NBAS: variants seen among roughly 807,000 people sequenced by gnomAD.
NBAS encodes NBAS subunit of NRZ tethering complex.
Under a neutral mutation model 302.5 loss-of-function variants are expected in NBAS, and 219 were observed. The ratio of observed to expected loss-of-function variants is 0.72; its 90% CI spans 0.65 to 0.81. The LOEUF is 0.81. NBAS is among the 30% of genes least tolerant of loss of function. NBAS has a pLI of 0.00. For missense variants in NBAS, 2,932 were observed against 2,841.6 expected (o/e 1.03, Z -0.72); for synonymous variants, 1,118 against 1,021.6 (o/e 1.09, Z -1.80).
intron 11 of NBAS, among the ~76,000 whole-genome samples, chr2:15,497,273 C>T (rs1681106093): frequency 6.6e-6 from 1 of 152,156 alleles, no homozygotes; most frequent in Non-Finnish European, 1.5e-5. Flanking sequence ...ATGAGCTTAT[C>T]TGATTTACAT....
chr2:14,833,636 T>C, the NBAS span, among the ~76,000 whole-genome samples: 1 of 152,078 alleles, frequency 6.6e-6, no homozygotes, highest in South Asian at 2.1e-4. Flanking sequence ...TCCTTATTCC[T>C]TATATAAGCT....
chr2:14,823,530 C>T, the NBAS span, among the ~76,000 whole-genome samples: 1 of 152,166 alleles, frequency 6.6e-6, no homozygotes, highest in Non-Finnish European at 1.5e-5. Context: ...GTTGGAAAAG[C>T]CAGAGCTAAA....
the NBAS span, among the ~76,000 whole-genome samples, chr2:14,829,678 G>A: frequency 6.6e-6 from 1 of 152,110 alleles, no homozygotes; most frequent in African/African-American, 2.4e-5. Context: ...CATAGAAACT[G>A]GTATTTTACA....
chr2:14,888,859 AT>A, the NBAS span, among the ~76,000 whole-genome samples: 1 of 152,210 alleles, frequency 6.6e-6, no homozygotes, highest in Non-Finnish European at 1.5e-5. Context: ...AGTGAGAAAG[AT>A]TTGGAAGCAG....
chr2:15,255,261 T>G (rs1170712568), intron 44 of NBAS, among the ~76,000 whole-genome samples: 1 of 152,196 alleles, frequency 6.6e-6, no homozygotes, highest in Non-Finnish European at 1.5e-5. Context: ...TGGCCATTTT[T>G]GCAGGAATAA....
At chr2:15,547,685 T>C (rs1271939223) in intron 6 of NBAS, among the ~76,000 whole-genome samples, 1 of 152,180 alleles carries the variant, frequency 6.6e-6, no homozygotes, top group Non-Finnish European at 1.5e-5. Flanking sequence ...AGCACGCTCC[T>C]CAGAAACCTA....
At chr2:15,034,260 G>GAAAGAAAGAAAC in the NBAS span, among the ~76,000 whole-genome samples, 5 of 98,146 alleles carry the variant, frequency 5.1e-5, no homozygotes, top group South Asian at 1.0e-3. Context: ...AAGAAAGAAA[G>GAAAGAAAGAAAC]AAAGAAAGAA....
chr2:15,110,066 G>C, the NBAS span, among the ~76,000 whole-genome samples: 172 of 152,166 alleles, frequency 1.1e-3, 1 homozygote, highest in African/African-American at 3.3e-3. Context: ...ACTAGTAAAA[G>C]CTGTCAATGA....
chr2:15,297,503 G>A (rs753206098), intron 40 of NBAS, among the ~76,000 whole-genome samples: 24 of 152,114 alleles, frequency 1.6e-4, no homozygotes, highest in Non-Finnish European at 3.1e-4. Flanking sequence ...ATGACATCTG[G>A]TTGTTTAAAA....
At chr2:14,873,211 G>C in the NBAS span, among the ~76,000 whole-genome samples, 2 of 152,144 alleles carry the variant, frequency 1.3e-5, no homozygotes, top group Non-Finnish European at 2.9e-5. Flanking sequence ...ACAGAGTGCT[G>C]ATTGGTGCAT....
chr2:15,069,386 A>G, the NBAS span, among the ~76,000 whole-genome samples: 1 of 152,192 alleles, frequency 6.6e-6, no homozygotes, highest in African/African-American at 2.4e-5. Flanking sequence ...CAGTCATGGC[A>G]AAAGCCCAGT....
At chr2:15,480,078 C>T (rs762700523) in intron 12 of NBAS, among the ~76,000 whole-genome samples, 23 of 150,722 alleles carry the variant, frequency 1.5e-4, no homozygotes, top group South Asian at 6.2e-4. Flanking sequence ...TGGTGGCTCA[C>T]GCCTGTAATC....
At chr2:15,101,641 G>A in the NBAS span, among the ~76,000 whole-genome samples, 7 of 152,174 alleles carry the variant, frequency 4.6e-5, no homozygotes, top group African/African-American at 1.4e-4. Context: ...CTAGGCAAGA[G>A]TGACACCAAC....
the NBAS span, among the ~76,000 whole-genome samples, chr2:14,805,055 C>T: frequency 1.3e-5 from 2 of 152,150 alleles, no homozygotes; most frequent in Admixed American, 6.6e-5. Flanking sequence ...TATGCCAGGC[C>T]TTGTGCTCAG....
the NBAS span, among the ~76,000 whole-genome samples, chr2:14,788,493 G>GT: frequency 2.6e-5 from 4 of 152,188 alleles, no homozygotes; most frequent in Admixed American, 2.6e-4. Context: ...GTACAGATGG[G>GT]TTTTTGGTGT....
intron 40 of NBAS, among the ~76,000 whole-genome samples, chr2:15,299,820 T>C (rs1331539989): frequency 1.3e-5 from 2 of 152,216 alleles, no homozygotes; most frequent in Non-Finnish European, 2.9e-5. Flanking sequence ...AAAATAGTTA[T>C]ATAAGTATGT....
At chr2:15,311,738 T>C (rs921086673) in intron 38 of NBAS, among the ~76,000 whole-genome samples, 1 of 152,158 alleles carries the variant, frequency 6.6e-6, no homozygotes, top group African/African-American at 2.4e-5. Context: ...ACAACCTCTC[T>C]ACGGAAGAAG....
the NBAS span, among the ~76,000 whole-genome samples, chr2:15,106,839 A>G: frequency 1.3e-5 from 2 of 152,132 alleles, no homozygotes; most frequent in Admixed American, 1.3e-4. Flanking sequence ...AAAGTGTGAT[A>G]TTAATCCAGT....
At chr2:15,341,599 T>C (rs1262086510) in intron 35 of NBAS, among the ~76,000 whole-genome samples, 1 of 152,078 alleles carries the variant, frequency 6.6e-6, no homozygotes, top group African/African-American at 2.4e-5. Flanking sequence ...ACAGTTATTT[T>C]AAAATATAAA....
Sources: gnomAD v4.1 joint callset for allele counts (sites outside exome capture counted in the v4.1 genomes callset) on GRCh38, gnomAD v4.1.1 for gene constraint, MANE v1.5 for transcripts, NCBI Gene and HGNC (gene_info 2026-07-23, HGNC 2026-07-21) for gene names.